Variants in BMPR2 observed in about 807,000 individuals in gnomAD.
BMPR2 encodes bone morphogenetic protein receptor type-2.
BMPR2 carries 29 observed loss-of-function variants against 100.8 expected under a neutral mutation model. The observed-to-expected ratio is 0.29, with a 90% CI of 0.21 to 0.39. The LOEUF is 0.39. Among genes scored for constraint, BMPR2 ranks in the 10% least tolerant of loss-of-function variants. BMPR2 has a pLI of 1.00. For missense variants in BMPR2, 1,011 were observed against 1,274.5 expected (o/e 0.79, Z 3.15); for synonymous variants, 382 against 442.3 (o/e 0.86, Z 1.71).
chr2:202,557,031 A>C (rs1042839383), intron 12 of BMPR2, among the ~76,000 whole-genome samples: 3 of 151,482 alleles, frequency 2.0e-5, no homozygotes, highest in African/African-American at 4.9e-5. Context: ...TCAATAATGA[A>C]ATAAAATAAA....
At chr2:202,465,565 A>G (rs1480024868) in intron 2 of BMPR2, among the ~76,000 whole-genome samples, 4 of 152,040 alleles carry the variant, frequency 2.6e-5, no homozygotes, top group Admixed American at 1.3e-4. Context: ...ACTCTTTAAA[A>G]ATATTTTTAC....
At chr2:202,505,611 A>G (rs935809994) in intron 3 of BMPR2, among the ~76,000 whole-genome samples, 4 of 152,110 alleles carry the variant, frequency 2.6e-5, no homozygotes, top group African/African-American at 7.2e-5. Flanking sequence ...GAGCCATGGT[A>G]TAGAGACCTC....
intron 3 of BMPR2, among the ~76,000 whole-genome samples, chr2:202,480,934 G>A (rs1207460396): frequency 7.5e-5 from 9 of 119,830 alleles, no homozygotes; most frequent in African/African-American, 1.0e-4. Flanking sequence ...CAGCCTGGGC[G>A]ACAGACCGAG....
chr2:202,422,357 A>T (rs1691282080), intron 1 of BMPR2, among the ~76,000 whole-genome samples: 1 of 151,994 alleles, frequency 6.6e-6, no homozygotes, highest in Non-Finnish European at 1.5e-5. Context: ...CCCAGGCTGG[A>T]GTGCAGTGGG....
intron 8 of BMPR2, 38 bp downstream of exon 8, chr2:202,530,992 G>T (rs1688014169): frequency 6.2e-7 from 1 of 1,610,990 alleles, no homozygotes; most frequent in South Asian, 1.1e-5. Context: ...GATGTACTTT[G>T]AAATGATAAT....
intron 3 of BMPR2, among the ~76,000 whole-genome samples, chr2:202,481,351 G>C (rs1221065785): frequency 6.6e-6 from 1 of 151,930 alleles, no homozygotes; most frequent in Non-Finnish European, 1.5e-5. Flanking sequence ...GCTAATTTTT[G>C]TATTTTTAGT....
Position 202,520,110 on chromosome 2 carries a change from T to G in BMPR2, c.876T>G (p.Ser292Arg). ...YPNGSLCKYL[S>R]LHTSDWVSSC... The stretch of plus-strand genomic sequence containing the variant: ...AGGGATCTTTATGCAAGTATTTAAG[T>G]CTCCACACAAGTGACTGGGTAAGCT... The change falls in exon 7 of 13, where the codon AGT becomes AGG. Residue 292 changes from serine to arginine, a missense_variant. By Grantham distance (110) the Ser-to-Arg change is moderately radical (BLOSUM62 -1). Around this residue, in one of 6 missense-constraint regions of BMPR2, gnomAD observed 355 missense variants for 455.3 expected, o/e 0.78. Coordinates refer to ENST00000374580, the MANE Select transcript of BMPR2 (RefSeq NM_001204.7). 1 of 1,612,882 alleles carries G rather than the reference T, an allele frequency of 6.2e-7. No individual in the cohort carries two copies. Among genetic ancestry groups the G allele is most frequent in the Non-Finnish European group, 8.5e-7 (1 of 1,179,496 alleles).
At chr2:202,462,992 T>C (rs1185059528) in intron 1 of BMPR2, among the ~76,000 whole-genome samples, 2 of 152,216 alleles carry the variant, frequency 1.3e-5, no homozygotes, top group South Asian at 2.1e-4. Flanking sequence ...GGATTACAGG[T>C]GTGAGCCACT....
At chr2:202,423,814 G>A (rs539799775) in intron 1 of BMPR2, among the ~76,000 whole-genome samples, 4 of 150,942 alleles carry the variant, frequency 2.7e-5, no homozygotes, top group South Asian at 2.1e-4. Flanking sequence ...CAGCACTTTC[G>A]GAGGCCGGGG....
At chr2:202,402,326 G>A (rs1014552873) in intron 1 of BMPR2, among the ~76,000 whole-genome samples, 1 of 151,914 alleles carries the variant, frequency 6.6e-6, no homozygotes, top group Non-Finnish European at 1.5e-5. Flanking sequence ...AGACCAGCCT[G>A]ACCAACATGG....
At chr2:202,399,877 C>T (rs1574428076) in intron 1 of BMPR2, among the ~76,000 whole-genome samples, 1 of 152,036 alleles carries the variant, frequency 6.6e-6, no homozygotes, top group African/African-American at 2.4e-5. Context: ...TTTGGGAGGC[C>T]GAGGCAGGAG....
At chr2:202,377,771 C>T (rs1268158548) in intron 1 of BMPR2, among the ~76,000 whole-genome samples, 1 of 152,228 alleles carries the variant, frequency 6.6e-6, no homozygotes, top group African/African-American at 2.4e-5. Context: ...ATATTCCCAC[C>T]CCACCCCCCT....
rs1687433830 is a variant in BMPR2, at chr2:202,503,052, C to G, written c.419-10667C>G. Among the ~76,000 whole-genome samples the G allele has an allele frequency of 6.6e-6, 1 of 152,338 alleles. No individual in the cohort carries two copies. Among genetic ancestry groups the G allele is most frequent in the African/African-American group, 2.4e-5 (1 of 41,570 alleles). ...TTCTACTGAGGACTCCTGGACCGAC[C>G]CTCTGGCACTTCCCCTGGCCTAGAG... is the stretch of plus-strand genomic sequence containing the variant. On this transcript the variant is annotated intron_variant, in intron 3 of 12. Coordinates refer to ENST00000374580, the MANE Select transcript of BMPR2 (RefSeq NM_001204.7). This position sits in a 1 kb window ranked among gnomAD's most constrained non-coding sequence, Gnocchi z 4.0.
At chr2:202,453,781 CAAT>C (rs1292315314) in intron 1 of BMPR2, among the ~76,000 whole-genome samples, 4 of 152,076 alleles carry the variant, frequency 2.6e-5, no homozygotes, top group African/African-American at 9.6e-5. Flanking sequence ...CTACAGTCAA[CAAT>C]AATTTATTGT....
At chr2:202,506,211 C>T (rs1409651257) in intron 3 of BMPR2, among the ~76,000 whole-genome samples, 1 of 151,972 alleles carries the variant, frequency 6.6e-6, no homozygotes, top group Non-Finnish European at 1.5e-5. Context: ...GGCTGGAGTG[C>T]AGTGGTGTGA....
intron 1 of BMPR2, among the ~76,000 whole-genome samples, chr2:202,408,068 C>T (rs1439211879): frequency 2.6e-5 from 4 of 151,970 alleles, no homozygotes; most frequent in East Asian, 1.9e-4. Flanking sequence ...CTCTTGACCT[C>T]GTGATCTGCC....
chr2:202,515,515 G>A (rs541125729), intron 5 of BMPR2, among the ~76,000 whole-genome samples: 1 of 150,818 alleles, frequency 6.6e-6, no homozygotes. Context: ...AGGTTGCGGT[G>A]AGCCGAGATC....
chr2:202,561,119 A>G lies in BMPR2; in HGVS notation c.*1173A>G, dbSNP rs1397165343. 1 of 152,096 alleles carries G rather than the reference A, an allele frequency of 6.6e-6. No individual in the cohort carries two copies. The highest frequency in any genetic ancestry group is 1.5e-5 in the Non-Finnish European group (1 of 67,988). The allele number at this position is 152,096 out of a possible 1,614,324, so 9.4% of individuals were successfully genotyped here. A position where few individuals can be genotyped will look rare whatever the true frequency, so the allele number is the denominator to read the frequency against. On this transcript the variant is annotated 3_prime_UTR_variant, in exon 13 of 13. Transcript: ENST00000374580. ...CAAAGACTGGTGACTTTATCTGAAA[A>G]TGATTCCTCTTCCCATGACCTAAAA...
intron 1 of BMPR2, among the ~76,000 whole-genome samples, chr2:202,415,773 C>T (rs1359276173): frequency 1.3e-5 from 2 of 152,208 alleles, no homozygotes; most frequent in Non-Finnish European, 2.9e-5. Context: ...AAAAAGATTG[C>T]TTTCAAAATA....
Sources: gnomAD v4.1 joint callset for allele counts (sites outside exome capture counted in the v4.1 genomes callset) on GRCh38, gnomAD v4.1.1 for gene constraint, gnomAD v4.1.1 regional missense constraint, Gnocchi (gnomAD v3.1) non-coding constraint, MANE v1.5 for transcripts, NCBI Gene and HGNC (gene_info 2026-07-23, HGNC 2026-07-21) for gene names.